The following MICU3 variants were observed in gnomAD, a reference collection of about 807,000 sequenced individuals.
MICU3 encodes calcium uptake protein 3, mitochondrial.
In MICU3, 62 loss-of-function variants were observed where a neutral mutation model predicts 66.5. The observed-to-expected ratio is 0.93, with a 90% CI of 0.76 to 1.15. The LOEUF (loss-of-function observed/expected upper bound fraction) is 1.15, where lower values mean the gene tolerates loss of function less well. Ranked by LOEUF, MICU3 falls within the 50% of genes most tolerant of loss-of-function variation. The probability of loss-of-function intolerance (pLI) is 0.00; values close to 1 mark genes in which losing one functional copy is unlikely to be tolerated. For missense variants in MICU3, 779 were observed against 664.4 expected (o/e 1.17, Z -1.90); for synonymous variants, 308 against 240.7 (o/e 1.28, Z -2.59).
intron 1 of MICU3, among the ~76,000 whole-genome samples, chr8:17,041,855 T>C (rs1563279626): frequency 6.6e-6 from 1 of 152,172 alleles, no homozygotes; most frequent in Non-Finnish European, 1.5e-5. Context: ...GCCTGATGGC[T>C]TCTATATTCT....
At chr8:17,088,960 A>G (rs181579789) in intron 7 of MICU3, among the ~76,000 whole-genome samples, 2 of 152,016 alleles carry the variant, frequency 1.3e-5, no homozygotes, top group Non-Finnish European at 2.9e-5. Flanking sequence ...TTATACCAGC[A>G]TACCCTAAGT....
chr8:17,106,285 G>A (rs1801728749), intron 11 of MICU3, among the ~76,000 whole-genome samples: 1 of 151,190 alleles, frequency 6.6e-6, no homozygotes, highest in Admixed American at 6.6e-5. Flanking sequence ...CAAATAGTTT[G>A]ACTTTGTTTA....
At chr8:17,056,033 A>G (rs1388604278) in intron 1 of MICU3, among the ~76,000 whole-genome samples, 1 of 152,184 alleles carries the variant, frequency 6.6e-6, no homozygotes, top group African/African-American at 2.4e-5. Context: ...CACAGAATAT[A>G]AGGAGCTTTA....
the MICU3 span, among the ~76,000 whole-genome samples, chr8:17,134,582 C>T: frequency 1.3e-5 from 2 of 152,126 alleles, no homozygotes; most frequent in African/African-American, 4.8e-5. Context: ...GTAGGTGGGA[C>T]TACAGGTGCC....
chr8:17,136,055 T>C, the MICU3 span, among the ~76,000 whole-genome samples: 3 of 152,114 alleles, frequency 2.0e-5, no homozygotes, highest in Non-Finnish European at 4.4e-5. Context: ...ATAGTTGAGA[T>C]AATTCACATA....
intron 4 of MICU3, among the ~76,000 whole-genome samples, chr8:17,081,247 A>G (rs1250695329): frequency 2.6e-5 from 4 of 152,164 alleles, no homozygotes; most frequent in African/African-American, 7.2e-5. Flanking sequence ...TTTCTAAGTA[A>G]CAGGGTCTAA....
At chr8:17,069,143 G>C (rs1433909502) in intron 2 of MICU3, among the ~76,000 whole-genome samples, 1 of 152,066 alleles carries the variant, frequency 6.6e-6, no homozygotes, top group Non-Finnish European at 1.5e-5. Context: ...GTAGGGAAGA[G>C]TAATGAAACA....
intron 3 of MICU3, among the ~76,000 whole-genome samples, chr8:17,072,599 A>G (rs760189328): frequency 7.9e-5 from 12 of 152,198 alleles, no homozygotes; most frequent in South Asian, 2.1e-4. Context: ...TGCATGCAAC[A>G]TATCAACAGA....
chr8:17,084,943 AT>A (rs1292549452), intron 5 of MICU3, among the ~76,000 whole-genome samples: 2 of 152,128 alleles, frequency 1.3e-5, no homozygotes, highest in Non-Finnish European at 2.9e-5. Context: ...ACGAGTTGAT[AT>A]TTTCCTTTAA....
intron 1 of MICU3, among the ~76,000 whole-genome samples, chr8:17,057,384 C>T (rs1411991893): frequency 6.6e-6 from 1 of 152,160 alleles, no homozygotes; most frequent in African/African-American, 2.4e-5. Context: ...ACCCTGATCT[C>T]TGGCCTGAGA....
intron 8 of MICU3, among the ~76,000 whole-genome samples, chr8:17,096,068 A>G (rs1800651054): frequency 6.6e-6 from 1 of 151,926 alleles, no homozygotes; most frequent in Non-Finnish European, 1.5e-5. Flanking sequence ...AGGTCTACAC[A>G]TTTTACATGA....
At chr8:17,101,837 C>A (rs1408578049) in intron 9 of MICU3, among the ~76,000 whole-genome samples, 1 of 151,752 alleles carries the variant, frequency 6.6e-6, no homozygotes, top group Non-Finnish European at 1.5e-5. Flanking sequence ...ATTCAACATT[C>A]TTTTCTGTGT....
At chr8:17,099,463 A>G (rs1462509930) in intron 9 of MICU3, among the ~76,000 whole-genome samples, 27 of 151,784 alleles carry the variant, frequency 1.8e-4, no homozygotes, top group Admixed American at 1.7e-3. Flanking sequence ...ATGTTACTCT[A>G]TTGACATATC....
chr8:17,094,833 C>T (rs982862563), intron 8 of MICU3, among the ~76,000 whole-genome samples: 12 of 151,926 alleles, frequency 7.9e-5, no homozygotes, highest in Non-Finnish European at 1.3e-4. Flanking sequence ...GCTGTATGCA[C>T]GCTTCCTGTT....
chr8:17,083,450 A>G (rs771785462), intron 5 of MICU3, among the ~76,000 whole-genome samples: 41 of 152,098 alleles, frequency 2.7e-4, no homozygotes, highest in Admixed American at 8.5e-4. Context: ...GAGGTTTGTT[A>G]CGGGAAAGAG....
chr8:17,105,655 T>G (rs767629141), intron 11 of MICU3, 71 bp downstream of exon 11: 1 of 840,910 alleles, frequency 1.2e-6, no homozygotes, highest in Non-Finnish European at 1.8e-6. Flanking sequence ...ACATTGCCCT[T>G]TTGTTAGTTC....
chr8:17,084,778 C>G (rs1487330787), intron 5 of MICU3, among the ~76,000 whole-genome samples: 1 of 151,992 alleles, frequency 6.6e-6, no homozygotes, highest in Non-Finnish European at 1.5e-5. Context: ...TTTTTGAAGC[C>G]TCTAGAAGTT....
At chr8:17,084,587 A>G (rs934644880) in intron 5 of MICU3, among the ~76,000 whole-genome samples, 10 of 152,190 alleles carry the variant, frequency 6.6e-5, no homozygotes, top group African/African-American at 1.4e-4. Context: ...CTTCTGTCCA[A>G]GTTTTCTCCT....
intron 2 of MICU3, among the ~76,000 whole-genome samples, chr8:17,068,610 C>T (rs1020612497): frequency 1.3e-5 from 2 of 152,134 alleles, no homozygotes; most frequent in African/African-American, 4.8e-5. Flanking sequence ...CTTGATTACA[C>T]ATTTGTATCA....
Sources: gnomAD v4.1 joint callset for allele counts (sites outside exome capture counted in the v4.1 genomes callset) on GRCh38, gnomAD v4.1.1 for gene constraint, MANE v1.5 for transcripts, NCBI Gene and HGNC (gene_info 2026-07-23, HGNC 2026-07-21) for gene names.